SH3RF1: variants seen among roughly 807,000 people sequenced by gnomAD.
SH3RF1 encodes SH3 domain containing ring finger 1, also known as E3 ubiquitin-protein ligase SH3RF1.
In SH3RF1, 32 loss-of-function variants were observed where a neutral mutation model predicts 74.0. That is an observed-to-expected ratio of 0.43 (90% CI 0.33 to 0.58). The LOEUF is 0.58. SH3RF1 is among the 20% of genes least tolerant of loss of function. The pLI is 0.05. For synonymous variants in SH3RF1, 396 were observed against 439.6 expected (o/e 0.90, Z 1.24); for missense variants, 954 against 1,130.9 (o/e 0.84, Z 2.24).
chr4:169,148,211 T>C (rs544324195), intron 4 of SH3RF1, among the ~76,000 whole-genome samples: 82 of 152,364 alleles, frequency 5.4e-4, no homozygotes, highest in African/African-American at 1.8e-3. Flanking sequence ...AGTTATTGAA[T>C]GTGCTCTGAG....
At chr4:169,190,528 T>C (rs1734684086) in intron 2 of SH3RF1, among the ~76,000 whole-genome samples, 1 of 151,618 alleles carries the variant, frequency 6.6e-6, no homozygotes, top group Non-Finnish European at 1.5e-5. Flanking sequence ...CAGGAAGAAT[T>C]AGATACCCTG....
intron 10 of SH3RF1, among the ~76,000 whole-genome samples, chr4:169,109,153 C>A (rs534974487): frequency 2.8e-4 from 43 of 152,298 alleles, no homozygotes; most frequent in African/African-American, 1.0e-3. Context: ...GCTGCAACTT[C>A]CAGCTATTCT....
At chr4:169,118,287 A>T (rs1733370955) in intron 8 of SH3RF1, among the ~76,000 whole-genome samples, 1 of 152,148 alleles carries the variant, frequency 6.6e-6, no homozygotes, top group Non-Finnish European at 1.5e-5. Flanking sequence ...AATCTCATTT[A>T]TGTTTCAAGA....
intron 2 of SH3RF1, among the ~76,000 whole-genome samples, chr4:169,234,902 G>A (rs1393632403): frequency 6.6e-6 from 1 of 152,052 alleles, no homozygotes; most frequent in Non-Finnish European, 1.5e-5. Flanking sequence ...TTCTACCCAC[G>A]AGATGCCAGT....
At chr4:169,123,891 C>CAAA (rs11324240) in intron 6 of SH3RF1, among the ~76,000 whole-genome samples, 10 of 134,832 alleles carry the variant, frequency 7.4e-5, no homozygotes, top group African/African-American at 2.7e-4. Context: ...GACTCCGTCT[C>CAAA]AAAAAAAAAA....
At chr4:169,140,024 G>GT (rs1248971099) in intron 4 of SH3RF1, among the ~76,000 whole-genome samples, 1 of 152,170 alleles carries the variant, frequency 6.6e-6, no homozygotes, top group African/African-American at 2.4e-5. Flanking sequence ...TGCATGGACA[G>GT]TAATATTTGT....
rs188183891 is a variant in SH3RF1, at chr4:169,163,529, C to T, written c.394-6850G>A. On this transcript the variant is annotated intron_variant, in intron 2 of 11. Coordinates refer to ENST00000284637, the MANE Select transcript of SH3RF1 (RefSeq NM_020870.4). Reference sequence around the variant, plus strand: ...GATACAGGAAACTAGAGAGGTAGGACGAAAACCAGCAAACTATAACCACAG... The same window carrying T: ...GATACAGGAAACTAGAGAGGTAGGATGAAAACCAGCAAACTATAACCACAG... Among the ~76,000 whole-genome samples, 79 of 152,244 alleles carry T rather than the reference C, an allele frequency of 5.2e-4. 1 individual carries two copies. Among genetic ancestry groups the T allele is most frequent in the Admixed American group, 3.3e-4 (5 of 15,294 alleles).
rs760608624 is a variant in SH3RF1 at position 169,156,997 on chromosome 4, GC to G, written c.394-319del. ...ATATGAAAGCATGACTGCCAGGTCT[GC>G]CTCTCAAGAACTCATAAAAAACAAG... On this transcript the variant is annotated intron_variant, in intron 2 of 11. Coordinates refer to ENST00000284637, the MANE Select transcript of SH3RF1 (RefSeq NM_020870.4). 4.6e-5 allele frequency among the ~76,000 whole-genome samples: 7 copies of G among 152,286 alleles called. No individual in the cohort carries two copies. In the East Asian group the frequency reaches 9.7e-4, roughly 21 times the overall value.
chr4:169,204,550 CTTTT>C (rs35188309), intron 2 of SH3RF1, among the ~76,000 whole-genome samples: 3 of 114,138 alleles, frequency 2.6e-5, no homozygotes, highest in Non-Finnish European at 3.6e-5. Flanking sequence ...ATTACCTTCT[CTTTT>C]TTTTTTTTTT....
At chr4:169,106,388 C>T (rs186166840) in intron 11 of SH3RF1, among the ~76,000 whole-genome samples, 136 of 152,008 alleles carry the variant, frequency 8.9e-4, no homozygotes, top group African/African-American at 3.1e-3. Flanking sequence ...ACAATTCTTC[C>T]TTCAGTGTGG....
At chr4:169,269,428 A>G (rs1731409080) in intron 1 of SH3RF1, 121 bp from the exon 2 acceptor site, 1 of 508,530 alleles carries the variant, frequency 2.0e-6, no homozygotes, top group African/African-American at 1.9e-5. Flanking sequence ...TGAATAGTGT[A>G]GCTTTGCTTT....
rs146358935 is a variant in SH3RF1 at position 169,265,920 on chromosome 4, C to T, written c.393+2900G>A. Among the ~76,000 whole-genome samples, 16 of 152,246 alleles carry T rather than the reference C, an allele frequency of 1.1e-4. No homozygotes were observed. In the East Asian group the frequency reaches 2.7e-3, roughly 26 times the overall value. On this transcript the variant is annotated intron_variant, in intron 2 of 11. Transcript: ENST00000284637. ...AATTCTATAGGAACTACTTAAAAACCATGCTTTCCTTATCTAATTTATATA... is the reference window on the plus strand; with the variant it reads ...AATTCTATAGGAACTACTTAAAAACTATGCTTTCCTTATCTAATTTATATA...
chr4:169,203,307 T>C (rs1310499878), intron 2 of SH3RF1, among the ~76,000 whole-genome samples: 1 of 152,090 alleles, frequency 6.6e-6, no homozygotes, highest in Admixed American at 6.6e-5. Context: ...TCCCAGCACT[T>C]TGGGAGGCTG....
At chr4:169,120,531 G>A (rs1733420797) in intron 8 of SH3RF1, among the ~76,000 whole-genome samples, 1 of 152,134 alleles carries the variant, frequency 6.6e-6, no homozygotes, top group Admixed American at 6.5e-5. Flanking sequence ...TTTTCTAGTA[G>A]AAAAATACTG....
At chr4:169,173,541 T>C (rs1371090272) in intron 2 of SH3RF1, among the ~76,000 whole-genome samples, 1 of 152,206 alleles carries the variant, frequency 6.6e-6, no homozygotes, top group Non-Finnish European at 1.5e-5. Context: ...CTGCAAGACC[T>C]TGTGATTCAA....
rs528258231 is a variant in SH3RF1, at chr4:169,248,404, G to A, written c.393+20416C>T. ...ACACAGGAACAGAAAACCAAACACT[G>A]CATGTTCTCACTCATAAGTGGGAGT... On this transcript the variant is annotated intron_variant, in intron 2 of 11. Coordinates refer to ENST00000284637, the MANE Select transcript of SH3RF1 (RefSeq NM_020870.4). 2.7e-4 allele frequency among the ~76,000 whole-genome samples: 41 copies of A among 152,170 alleles called. No homozygotes were observed. In the South Asian group the frequency reaches 3.3e-3, roughly 12 times the overall value.
At chr4:169,134,061 A>G (rs1733659858) in intron 5 of SH3RF1, among the ~76,000 whole-genome samples, 1 of 152,164 alleles carries the variant, frequency 6.6e-6, no homozygotes, top group African/African-American at 2.4e-5. Flanking sequence ...GTGCCCTCCA[A>G]TGTACACAGT....
At chr4:169,136,037 T>C (rs1733693721) in intron 5 of SH3RF1, among the ~76,000 whole-genome samples, 1 of 152,204 alleles carries the variant, frequency 6.6e-6, no homozygotes. Context: ...GGCTGAGTGA[T>C]TGCTTGGTGA....
intron 4 of SH3RF1, among the ~76,000 whole-genome samples, chr4:169,144,188 T>A (rs1481176937): frequency 6.6e-6 from 1 of 152,186 alleles, no homozygotes; most frequent in African/African-American, 2.4e-5. Context: ...TGAACATGAG[T>A]TATTCTTACT....
Sources: gnomAD v4.1 joint callset for allele counts (sites outside exome capture counted in the v4.1 genomes callset) on GRCh38, gnomAD v4.1.1 for gene constraint, MANE v1.5 for transcripts, NCBI Gene and HGNC (gene_info 2026-07-23, HGNC 2026-07-21) for gene names.